The following SLC4A4 variants were observed in gnomAD, a reference collection of about 807,000 sequenced individuals.
SLC4A4 encodes the protein electrogenic sodium bicarbonate cotransporter 1.
In SLC4A4, 27 loss-of-function variants were observed where a neutral mutation model predicts 111.5. That is an observed-to-expected ratio of 0.24 (90% CI 0.18 to 0.33). The LOEUF (loss-of-function observed/expected upper bound fraction) is 0.33, where lower values mean the gene tolerates loss of function less well. SLC4A4 is among the 10% of genes least tolerant of loss of function. The pLI is 1.00. For synonymous variants in SLC4A4, 443 were observed against 463.4 expected, an observed-to-expected ratio of 0.96 and a Z score of 0.57; for missense variants, 909 against 1,315.5, an observed-to-expected ratio of 0.69 and a Z score of 4.78.
intron 1 of SLC4A4, among the ~76,000 whole-genome samples, chr4:71,221,384 G>T (rs1373963258): frequency 6.6e-6 from 1 of 152,164 alleles, no homozygotes; most frequent in Non-Finnish European, 1.5e-5. Flanking sequence ...ACAAACAAGT[G>T]GCTAGAACCA....
chr4:71,424,872 G>A (rs894842165), intron 7 of SLC4A4, among the ~76,000 whole-genome samples: 3 of 152,026 alleles, frequency 2.0e-5, no homozygotes, highest in South Asian at 2.1e-4. Flanking sequence ...GATAGCATTG[G>A]GAGATATACC....
At chr4:71,069,817 A>G (rs1262543013) in intron 1 of SLC4A4, among the ~76,000 whole-genome samples, 1 of 152,202 alleles carries the variant, frequency 6.6e-6, no homozygotes, top group Non-Finnish European at 1.5e-5. Context: ...GTTCCCACAC[A>G]ATGATTTGTT....
chr4:71,312,729 A>G (rs1286916348), intron 3 of SLC4A4, among the ~76,000 whole-genome samples: 1 of 152,222 alleles, frequency 6.6e-6, no homozygotes, highest in Non-Finnish European at 1.5e-5. Context: ...ACACCCCTTC[A>G]TACTAAAAAC....
intron 2 of SLC4A4, among the ~76,000 whole-genome samples, chr4:71,167,958 C>A (rs1438049794): frequency 1.3e-5 from 2 of 151,978 alleles, no homozygotes; most frequent in Non-Finnish European, 2.9e-5. Context: ...AAATAGAATA[C>A]CTAAGGCTGG....
intron 22 of SLC4A4, among the ~76,000 whole-genome samples, chr4:71,559,580 G>A (rs760587597): frequency 6.6e-6 from 1 of 151,852 alleles, no homozygotes; most frequent in Non-Finnish European, 1.5e-5. Context: ...TAACGGTGGT[G>A]ATTGAAGTAG....
intron 7 of SLC4A4, chr4:71,437,965 G>A (rs1475636346): frequency 2.5e-5 from 4 of 157,584 alleles, no homozygotes; most frequent in South Asian, 1.9e-4. Flanking sequence ...TGAAAGCAGC[G>A]GCAGAAATCT....
At chr4:71,527,402 C>T (rs972608660) in intron 16 of SLC4A4, among the ~76,000 whole-genome samples, 8 of 151,898 alleles carry the variant, frequency 5.3e-5, no homozygotes, top group African/African-American at 1.9e-4. Flanking sequence ...GAGTATATTC[C>T]GAAGTTTTAG....
intron 14 of SLC4A4, among the ~76,000 whole-genome samples, chr4:71,479,689 G>T (rs1239152903): frequency 1.3e-5 from 2 of 151,748 alleles, no homozygotes; most frequent in Non-Finnish European, 2.9e-5. Flanking sequence ...AAGTTCTTCT[G>T]CTGTAGCATC....
At chr4:71,382,801 A>G (rs1169050663) in intron 6 of SLC4A4, among the ~76,000 whole-genome samples, 1 of 152,214 alleles carries the variant, frequency 6.6e-6, no homozygotes, top group Admixed American at 6.5e-5. Context: ...CTTGTGGGGT[A>G]TCTAAACTCA....
At chr4:71,478,265 A>G (rs1245660614) in intron 14 of SLC4A4, among the ~76,000 whole-genome samples, 1 of 152,012 alleles carries the variant, frequency 6.6e-6, no homozygotes, top group South Asian at 2.1e-4. Context: ...GACTGGGTAT[A>G]TACCCAAAGG....
chr4:71,240,766 A>C (rs1720148187), intron 2 of SLC4A4, among the ~76,000 whole-genome samples: 1 of 152,216 alleles, frequency 6.6e-6, no homozygotes, highest in Admixed American at 6.5e-5. Flanking sequence ...TAAATAAAGC[A>C]TATGTAGAAT....
At chr4:71,262,408 T>A (rs1246336838) in intron 3 of SLC4A4, among the ~76,000 whole-genome samples, 1 of 152,210 alleles carries the variant, frequency 6.6e-6, no homozygotes, top group Non-Finnish European at 1.5e-5. Context: ...TTTTAATAAC[T>A]TTCCCATGGA....
intron 6 of SLC4A4, among the ~76,000 whole-genome samples, chr4:71,385,024 A>G (rs954776221): frequency 3.3e-5 from 5 of 151,648 alleles, no homozygotes; most frequent in South Asian, 2.1e-4. Context: ...ACTTAAAAGT[A>G]TAATAATAAA....
intron 6 of SLC4A4, among the ~76,000 whole-genome samples, chr4:71,392,395 G>T (rs886435677): frequency 6.6e-6 from 1 of 152,030 alleles, no homozygotes; most frequent in African/African-American, 2.4e-5. Flanking sequence ...ATCCTCTGGC[G>T]ATACCCCTCC....
At chr4:71,155,460 T>G (rs1744432557) in intron 2 of SLC4A4, among the ~76,000 whole-genome samples, 1 of 151,984 alleles carries the variant, frequency 6.6e-6, no homozygotes, top group South Asian at 2.1e-4. Flanking sequence ...TATGAAAATT[T>G]TATTCTTTCT....
intron 2 of SLC4A4, among the ~76,000 whole-genome samples, chr4:71,161,494 C>T (rs1398778306): frequency 6.6e-6 from 1 of 152,156 alleles, no homozygotes; most frequent in Non-Finnish European, 1.5e-5. Context: ...CAGCTATTCT[C>T]TTTTAATGAT....
chr4:71,480,689 T>C (rs1728792866), intron 14 of SLC4A4, among the ~76,000 whole-genome samples: 1 of 151,778 alleles, frequency 6.6e-6, no homozygotes, highest in Non-Finnish European at 1.5e-5. Flanking sequence ...GTTTCTTAAA[T>C]GTAATGGAAT....
chr4:71,204,465 T>C (rs1468814349), intron 1 of SLC4A4, among the ~76,000 whole-genome samples: 2 of 152,238 alleles, frequency 1.3e-5, no homozygotes, highest in Non-Finnish European at 1.5e-5. Flanking sequence ...TTACCAAGGA[T>C]GTTGAGTACT....
At chr4:71,387,610 T>G (rs1415737799) in intron 6 of SLC4A4, among the ~76,000 whole-genome samples, 1 of 152,136 alleles carries the variant, frequency 6.6e-6, no homozygotes, top group Non-Finnish European at 1.5e-5. Flanking sequence ...TTCTCCTGCC[T>G]CAGCCTCCCG....
Sources: gnomAD v4.1 joint callset for allele counts (sites outside exome capture counted in the v4.1 genomes callset) on GRCh38, gnomAD v4.1.1 for gene constraint, MANE v1.5 for transcripts, NCBI Gene and HGNC (gene_info 2026-07-23, HGNC 2026-07-21) for gene names.